Variants in RGS3 observed in about 807,000 individuals in gnomAD.
RGS3 encodes regulator of G-protein signalling 3.
RGS3 carries 80 observed loss-of-function variants against 132.6 expected under a neutral mutation model. The observed-to-expected ratio is 0.60, with a 90% confidence interval of 0.50 to 0.73. The LOEUF is 0.73. Among genes scored for constraint, RGS3 ranks in the 30% least tolerant of loss-of-function variants. The pLI, the probability that RGS3 is intolerant of heterozygous loss-of-function variation, is 0.00. For missense variants in RGS3, 1,382 were observed against 1,530.8 expected (o/e 0.90, Z 1.62); for synonymous variants, 598 against 620.6 (o/e 0.96, Z 0.54).
At chr9:113,590,478 A>T (rs1835363228) in intron 20 of RGS3, among the ~76,000 whole-genome samples, 1 of 141,690 alleles carries the variant, frequency 7.1e-6, no homozygotes, top group Non-Finnish European at 1.5e-5. Flanking sequence ...CCACCCATCC[A>T]TCCATCTATC....
At chr9:113,484,642 G>C (rs1349593245) in intron 6 of RGS3, among the ~76,000 whole-genome samples, 1 of 152,168 alleles carries the variant, frequency 6.6e-6, no homozygotes, top group Non-Finnish European at 1.5e-5. Context: ...ACCTCTCTGA[G>C]CCTTGGCTTC....
At chr9:113,472,531 C>T (rs1288104412) in intron 3 of RGS3, among the ~76,000 whole-genome samples, 2 of 152,070 alleles carry the variant, frequency 1.3e-5, no homozygotes, top group Non-Finnish European at 2.9e-5. Context: ...AAAGACCATG[C>T]GTTGTGTGAT....
intron 21 of RGS3, chr9:113,592,932 T>C (rs563151356): frequency 6.6e-6 from 1 of 152,224 alleles, no homozygotes; most frequent in African/African-American, 2.4e-5. Context: ...ACCACTACTT[T>C]TATTTTCCGT....
chr9:113,513,182 G>A (rs934227744), intron 14 of RGS3, among the ~76,000 whole-genome samples: 4 of 152,062 alleles, frequency 2.6e-5, no homozygotes, highest in African/African-American at 9.7e-5. Context: ...GCAATAAGAG[G>A]GAAACTCCGT....
intron 19 of RGS3, among the ~76,000 whole-genome samples, chr9:113,556,407 A>C (rs1833568044): frequency 2.6e-5 from 4 of 152,160 alleles, no homozygotes; most frequent in Admixed American, 2.6e-4. Flanking sequence ...AATAATAATA[A>C]TAATAATAAT....
chr9:113,561,389 C>T (rs1833774223), intron 19 of RGS3, among the ~76,000 whole-genome samples: 1 of 149,334 alleles, frequency 6.7e-6, no homozygotes, highest in Non-Finnish European at 1.5e-5. Context: ...CTTTCTTCTC[C>T]CCCTCTTTCT....
At chr9:113,549,099 C>T (rs1039810787) in intron 19 of RGS3, among the ~76,000 whole-genome samples, 1 of 152,176 alleles carries the variant, frequency 6.6e-6, no homozygotes, top group African/African-American at 2.4e-5. Flanking sequence ...TGGCTCAGGA[C>T]CTTTCCCTGC....
At chr9:113,493,287 G>A (rs1484509763) in intron 7 of RGS3, among the ~76,000 whole-genome samples, 2 of 152,210 alleles carry the variant, frequency 1.3e-5, no homozygotes, top group Non-Finnish European at 2.9e-5. Flanking sequence ...ATGTGGAAGG[G>A]CACTTTATTG....
At chr9:113,585,250 T>C (rs746408789) in intron 20 of RGS3, among the ~76,000 whole-genome samples, 3 of 152,180 alleles carry the variant, frequency 2.0e-5, no homozygotes, top group Non-Finnish European at 2.9e-5. Flanking sequence ...GGGTCTGGGC[T>C]CTGTTTCTTA....
intron 7 of RGS3, among the ~76,000 whole-genome samples, chr9:113,489,983 A>G (rs976081328): frequency 6.6e-6 from 1 of 152,204 alleles, no homozygotes; most frequent in African/African-American, 2.4e-5. Context: ...TGATCTACAA[A>G]GAAGTTCTGG....
In RGS3 at chr9:113,463,609, G is replaced by T; in HGVS notation, c.415+1408G>T. On this transcript the variant is annotated intron_variant, in intron 3 of 24. Coordinates refer to ENST00000350696, the Ensembl canonical transcript of RGS3. The surrounding 1 kb of genome is among the most constrained non-coding windows in gnomAD (Gnocchi z 4.6). ...GCCTCCCCCACCCCGGCCCAGCTCT[G>T]CTCCGGCAGGTGGAACTCTCCCCAT... 1.8e-6 allele frequency: 2 copies of T among 1,087,168 alleles called. No homozygotes were observed. The allele number at this position is 1,087,168 out of a possible 1,614,324, so 67.3% of individuals were successfully genotyped here.
At chr9:113,541,895 A>G (rs867768528) in intron 19 of RGS3, 2 of 982,012 alleles carry the variant, frequency 2.0e-6, no homozygotes, top group Non-Finnish European at 1.2e-6. Flanking sequence ...GGGTGCATCT[A>G]CTTTATGCCA....
intron 19 of RGS3, among the ~76,000 whole-genome samples, chr9:113,564,011 T>C (rs1833894729): frequency 6.6e-6 from 1 of 152,116 alleles, no homozygotes; most frequent in Non-Finnish European, 1.5e-5. Flanking sequence ...CCTGCTGCTC[T>C]GGTGGGAGCC....
chr9:113,473,295 G>A, intron 3 of RGS3, among the ~76,000 whole-genome samples: 1 of 152,246 alleles, frequency 6.6e-6, no homozygotes, highest in Non-Finnish European at 1.5e-5. Flanking sequence ...GATAGGTATA[G>A]AGAGGCTAAC....
Position 113,584,294 on chromosome 9 carries a change from C to A in RGS3, c.2882C>A (p.Thr961Asn), listed in dbSNP as rs201299150. 1.0e-4 allele frequency: 163 copies of A among 1,610,352 alleles called. 1 individual carries two copies. In the Middle Eastern group the frequency reaches 1.7e-3, roughly 16 times the overall value. ...GGGCCCTGCTTTGCCTCCGACACCA[C>A]CTTGCACTGCTCAGACGGTGAGGGC... Residue 961 changes from threonine (T) to asparagine (N), a missense_variant, in exon 20 of 25, where the codon ACC (threonine) becomes AAC (asparagine). Thr to Asn is a moderately conservative substitution (Grantham distance 65). Transcript: ENST00000350696.
intron 7 of RGS3, among the ~76,000 whole-genome samples, chr9:113,487,765 G>C (rs1830385782): frequency 6.6e-6 from 1 of 152,208 alleles, no homozygotes; most frequent in Non-Finnish European, 1.5e-5. Flanking sequence ...TATAAGCCAA[G>C]TCAGATGATT....
chr9:113,564,071 G>A (rs1378976230), intron 19 of RGS3, among the ~76,000 whole-genome samples: 1 of 152,214 alleles, frequency 6.6e-6, no homozygotes, highest in Non-Finnish European at 1.5e-5. Flanking sequence ...AGCCCAGGGT[G>A]CATTTGTCAA....
intron 10 of RGS3, among the ~76,000 whole-genome samples, chr9:113,504,509 C>A (rs1831046867): frequency 6.6e-6 from 1 of 152,306 alleles, no homozygotes; most frequent in African/African-American, 2.4e-5. Flanking sequence ...AGCATGGCGT[C>A]CATAGTCGGA....
At chr9:113,569,392 A>G (rs1376566802) in intron 19 of RGS3, among the ~76,000 whole-genome samples, 1 of 152,086 alleles carries the variant, frequency 6.6e-6, no homozygotes, top group Non-Finnish European at 1.5e-5. Context: ...GGCAGCCAGG[A>G]GAAGGACTGT....
Sources: allele counts gnomAD v4.1 joint callset (sites outside exome capture counted in the v4.1 genomes callset), GRCh38; gene constraint gnomAD v4.1.1; non-coding constraint Gnocchi (gnomAD v3.1); transcripts MANE v1.5; gene names NCBI Gene and HGNC (gene_info 2026-07-23, HGNC 2026-07-21).